PCDH9: variants seen among roughly 807,000 people sequenced by gnomAD.
PCDH9 encodes protocadherin-9.
In PCDH9, 24 loss-of-function variants were observed where a neutral mutation model predicts 70.6. The ratio of observed to expected loss-of-function variants is 0.34; its 90% CI spans 0.25 to 0.48. PCDH9 has a LOEUF of 0.48. PCDH9 is among the 20% of genes least tolerant of loss of function. The probability of loss-of-function intolerance (pLI) is 0.99; values close to 1 mark genes in which losing one functional copy is unlikely to be tolerated. For synonymous variants in PCDH9, 562 were observed against 558.5 expected, an observed-to-expected ratio of 1.01 and a Z score of -0.09; for missense variants, 1,281 against 1,503.6, an observed-to-expected ratio of 0.85 and a Z score of 2.45.
intron 4 of PCDH9, among the ~76,000 whole-genome samples, chr13:66,540,145 G>C (rs1960888442): frequency 6.6e-6 from 1 of 151,824 alleles, no homozygotes; most frequent in South Asian, 2.1e-4. Flanking sequence ...AAAGTGCTGG[G>C]ATTACAAGTG....
chr13:66,537,281 C>T (rs1371546745), intron 4 of PCDH9, among the ~76,000 whole-genome samples: 1 of 152,084 alleles, frequency 6.6e-6, no homozygotes, highest in Non-Finnish European at 1.5e-5. Flanking sequence ...CATTGGGTTA[C>T]TCTTTCAAGA....
intron 2 of PCDH9, among the ~76,000 whole-genome samples, chr13:67,054,622 T>A (rs1244231117): frequency 6.6e-6 from 1 of 152,180 alleles, no homozygotes; most frequent in Non-Finnish European, 1.5e-5. Context: ...ACATTCAACA[T>A]CGCAGAAAAG....
rs113816045 is a variant in PCDH9 at position 66,854,072 on chromosome 13, C to T, written c.3138+49432G>A. Reference sequence around the variant, plus strand: ...CAAAGAAGCACTAAAATGTAAAATGCTGTTCTTTTAGCTACTAGTATTGCT... The same window carrying T: ...CAAAGAAGCACTAAAATGTAAAATGTTGTTCTTTTAGCTACTAGTATTGCT... On this transcript the variant is annotated intron_variant, in intron 3 of 4. Coordinates refer to ENST00000377865, the MANE Select transcript of PCDH9 (RefSeq NM_203487.3). 3.7e-3 allele frequency among the ~76,000 whole-genome samples: 570 copies of T among 152,210 alleles called. 6 individuals carry two copies. The highest frequency in any genetic ancestry group is 0.013 in the African/African-American group (543 of 41,540).
At chr13:66,460,358 A>C (rs9540763) in intron 4 of PCDH9, among the ~76,000 whole-genome samples, 28,736 of 151,822 alleles carry the variant, frequency 0.19, 2,911 homozygotes, top group Non-Finnish European at 0.21. Flanking sequence ...TTTAACAAGA[A>C]ATAGAAACTC....
At chr13:67,176,233 T>G (rs1213262023) in intron 2 of PCDH9, among the ~76,000 whole-genome samples, 1 of 152,074 alleles carries the variant, frequency 6.6e-6, no homozygotes, top group Non-Finnish European at 1.5e-5. Context: ...AAAAGAGCGG[T>G]GATGCAGAGA....
intron 3 of PCDH9, among the ~76,000 whole-genome samples, chr13:66,752,978 T>A (rs1435126273): frequency 6.6e-6 from 1 of 152,194 alleles, no homozygotes; most frequent in African/African-American, 2.4e-5. Flanking sequence ...AGTTCTCAAG[T>A]AGGCAATTGG....
chr13:66,386,307 G>A (rs919636964), intron 4 of PCDH9, among the ~76,000 whole-genome samples: 2 of 152,046 alleles, frequency 1.3e-5, no homozygotes, highest in East Asian at 3.9e-4. Flanking sequence ...TTTGCTTTTT[G>A]GTGTTTTATT....
At chr13:66,595,813 T>G (rs1430635516) in intron 4 of PCDH9, among the ~76,000 whole-genome samples, 1 of 151,456 alleles carries the variant, frequency 6.6e-6, no homozygotes, top group East Asian at 1.9e-4. Context: ...TAGATAAAAA[T>G]GAATAAATAT....
At chr13:66,651,469 T>C (rs1463028681) in intron 3 of PCDH9, among the ~76,000 whole-genome samples, 1 of 151,968 alleles carries the variant, frequency 6.6e-6, no homozygotes, top group African/African-American at 2.4e-5. Flanking sequence ...ATCCAAAACC[T>C]GAACATACCT....
At chr13:66,785,256 G>A (rs761137622) in intron 3 of PCDH9, among the ~76,000 whole-genome samples, 13 of 151,916 alleles carry the variant, frequency 8.6e-5, no homozygotes, top group Non-Finnish European at 1.5e-4. Context: ...ATAATAAAAA[G>A]TAAATAAATC....
intron 2 of PCDH9, among the ~76,000 whole-genome samples, chr13:66,944,817 CTGTGTGTG>C (rs67182136): frequency 1.1e-3 from 147 of 135,450 alleles, no homozygotes; most frequent in African/African-American, 3.6e-3. Context: ...CTAATCGTCT[CTGTGTGTG>C]TGTGTGTGTG....
At chr13:66,512,282 T>TTATATATA (rs35496834) in intron 4 of PCDH9, among the ~76,000 whole-genome samples, 2,038 of 144,380 alleles carry the variant, frequency 0.014, 47 homozygotes, top group African/African-American at 0.047. Flanking sequence ...ACCTTAGGAA[T>TTATATATA]TATATATATA....
At chr13:66,688,147 C>A (rs4884688) in intron 3 of PCDH9, among the ~76,000 whole-genome samples, 1 of 151,846 alleles carries the variant, frequency 6.6e-6, no homozygotes, top group African/African-American at 2.4e-5. Context: ...AAGACACTTT[C>A]ATTCTGTCTT....
intron 4 of PCDH9, among the ~76,000 whole-genome samples, chr13:66,463,031 T>C (rs1950024616): frequency 6.6e-6 from 1 of 151,846 alleles, no homozygotes; most frequent in South Asian, 2.1e-4. Context: ...GATGTGTGCC[T>C]AACCCAACAA....
At chr13:66,752,418 T>G (rs2079474922) in intron 3 of PCDH9, among the ~76,000 whole-genome samples, 2 of 152,148 alleles carry the variant, frequency 1.3e-5, no homozygotes, top group South Asian at 4.1e-4. Context: ...CATCTCAGCC[T>G]CCCAAGTAGC....
intron 2 of PCDH9, among the ~76,000 whole-genome samples, chr13:67,068,125 T>C (rs1297561761): frequency 6.6e-6 from 1 of 152,100 alleles, no homozygotes; most frequent in Non-Finnish European, 1.5e-5. Flanking sequence ...GGTAAAATCA[T>C]AAGCAATAGT....
chr13:66,505,770 C>G (rs1018949059), intron 4 of PCDH9, among the ~76,000 whole-genome samples: 2 of 152,112 alleles, frequency 1.3e-5, no homozygotes, highest in African/African-American at 4.8e-5. Flanking sequence ...TCATACAATA[C>G]GTGGGAATTA....
rs879639086 is a variant in PCDH9 at position 66,535,957 on chromosome 13, C to T, written c.3340+95253G>A. 7.2e-5 allele frequency among the ~76,000 whole-genome samples: 11 copies of T among 152,074 alleles called. No homozygotes were observed. In the South Asian group the frequency reaches 8.3e-4, roughly 12 times the overall value. On this transcript the variant is annotated intron_variant, in intron 4 of 4. Transcript: ENST00000377865. Reference sequence around the variant, plus strand: ...GTTTCAAAGACTAAACCAGAAATATCCACTATAAAGTGTTTTTGAATGATT... The same window carrying T: ...GTTTCAAAGACTAAACCAGAAATATTCACTATAAAGTGTTTTTGAATGATT...
intron 2 of PCDH9, among the ~76,000 whole-genome samples, chr13:67,043,532 T>C (rs2085163690): frequency 1.3e-5 from 2 of 152,064 alleles, no homozygotes; most frequent in South Asian, 4.2e-4. Flanking sequence ...ACATTGGAAA[T>C]AATGTGATAA....
Sources: allele counts gnomAD v4.1 joint callset (sites outside exome capture counted in the v4.1 genomes callset), GRCh38; gene constraint gnomAD v4.1.1; transcripts MANE v1.5; gene names NCBI Gene and HGNC (gene_info 2026-07-23, HGNC 2026-07-21).